Variants in TNRC6C observed in about 807,000 individuals in gnomAD.
TNRC6C encodes the protein trinucleotide repeat containing adaptor 6C.
Under a neutral mutation model 153.7 loss-of-function variants are expected in TNRC6C, and 20 were observed. The observed-to-expected ratio is 0.13, with a 90% CI of 0.09 to 0.19. The LOEUF is 0.19. Ranked by LOEUF, TNRC6C falls within the 10% of genes least tolerant of loss-of-function variation. The pLI is 1.00. For synonymous variants in TNRC6C, 811 were observed against 841.4 expected (o/e 0.96, Z 0.63); for missense variants, 1,987 against 2,172.0 (o/e 0.91, Z 1.69).
At position 78,101,608 on chromosome 17, in the gene TNRC6C, T is replaced by C. The variant is rs145657830; in HGVS notation, c.4502-866T>C. 9.5e-3 allele frequency among the ~76,000 whole-genome samples: 1,442 copies of C among 152,208 alleles called. 25 individuals are homozygous for C. The highest frequency in any genetic ancestry group is 0.032 in the African/African-American group (1,338 of 41,516). On this transcript the variant is annotated intron_variant, in intron 17 of 19. Transcript: ENST00000301624. The stretch of plus-strand genomic sequence containing the variant: ...TCACAGCCTTCAGAGCTGAGAGCCC[T>C]AAACAGAGATTTACCCACGTATTTA...
chr17:78,065,052 C>T, intron 4 of TNRC6C, 115 bp downstream of exon 6: 2 of 1,250,070 alleles, frequency 1.6e-6, no homozygotes, highest in South Asian at 1.4e-5. Flanking sequence ...ACTTTAACTA[C>T]AAACCAAGAG....
rs947298520 is a variant in TNRC6C, at chr17:78,006,650, C to A, written c.-546+1571C>A. Among the ~76,000 whole-genome samples, 7 of 144,708 alleles carry A rather than the reference C, an allele frequency of 4.8e-5. No homozygotes were observed. The South Asian group carries it at 1.5e-3, about 32-fold the overall frequency. The allele number at this position is 144,708 out of a possible 152,430, so 94.9% of individuals were successfully genotyped here. On this transcript the variant is annotated intron_variant, in intron 1 of 19. Coordinates refer to ENST00000301624, the Ensembl canonical transcript of TNRC6C. ...TCTTCTTCCTTCTTCTTGAATTTTTCTGTCTGGTTTAGTACCAGCTATATT... is the reference window on the plus strand; with the variant it reads ...TCTTCTTCCTTCTTCTTGAATTTTTATGTCTGGTTTAGTACCAGCTATATT...
intron 1 of TNRC6C, among the ~76,000 whole-genome samples, chr17:78,007,868 C>G (rs1400766382): frequency 6.6e-6 from 1 of 152,210 alleles, no homozygotes; most frequent in Non-Finnish European, 1.5e-5. Flanking sequence ...ATATTACACA[C>G]CACTCAACTA....
chr17:78,067,938 C>CT lies in TNRC6C; in HGVS notation c.2778+17dup, dbSNP rs760005916. The CT allele has an allele frequency of 3.8e-6, 6 of 1,594,970 alleles. No homozygotes were observed. The African/African-American group carries it at 4.1e-5, about 11-fold the overall frequency. On this transcript the variant is annotated intron_variant, in intron 5 of 19. Coordinates refer to ENST00000301624, the Ensembl canonical transcript of TNRC6C. ...GACTTCAAAAGGTAAGTACAACACTCTTAACGACGGTACACCCTGAAAACC... is the reference window on the plus strand; with the variant it reads ...GACTTCAAAAGGTAAGTACAACACTCTTTAACGACGGTACACCCTGAAAACC...
intron 1 of TNRC6C, among the ~76,000 whole-genome samples, chr17:77,994,049 C>T (rs566458998): frequency 1.3e-5 from 2 of 152,112 alleles, no homozygotes; most frequent in Non-Finnish European, 2.9e-5. Context: ...AAAAATTAGC[C>T]GGGCATTGTG....
Position 78,075,109 on chromosome 17 carries a change from A to C in TNRC6C, c.2918-27A>C, listed in dbSNP as rs1174024755. ...TCAGCACTCACTTGTTTTGTTTACA[A>C]CATTGCTTCTGTTTGTTGTGCTCCA... is the stretch of plus-strand genomic sequence containing the variant. On this transcript the variant is annotated intron_variant, in intron 7 of 19. Coordinates refer to ENST00000301624, the Ensembl canonical transcript of TNRC6C. This position sits in a 1 kb window ranked among gnomAD's most constrained non-coding sequence, Gnocchi z 4.2. 1 of 1,610,648 alleles carries C rather than the reference A, an allele frequency of 6.2e-7. No homozygotes were observed. Among genetic ancestry groups the C allele is most frequent in the Non-Finnish European group, 8.5e-7 (1 of 1,178,444 alleles).
chr17:78,038,776 C>T (rs113599732), intron 2 of TNRC6C, among the ~76,000 whole-genome samples: 3,368 of 151,104 alleles, frequency 0.022, 131 homozygotes, highest in African/African-American at 0.077. Context: ...ATTGTCAAAA[C>T]TTTAAATCTT....
intron 1 of TNRC6C, among the ~76,000 whole-genome samples, chr17:77,971,419 C>T (rs2070939024): frequency 6.6e-6 from 1 of 152,160 alleles, no homozygotes; most frequent in Admixed American, 6.5e-5. Flanking sequence ...AGTCCTGTGA[C>T]ATTAAATACC....
chr17:78,010,104 C>T (rs906649812), intron 1 of TNRC6C, among the ~76,000 whole-genome samples: 2 of 148,688 alleles, frequency 1.3e-5, no homozygotes, highest in African/African-American at 5.0e-5. Context: ...GTTGGTCTCA[C>T]ACTCAAGCAG....
chr17:78,008,868 T>C (rs1454145089), intron 1 of TNRC6C: 1 of 152,236 alleles, frequency 6.6e-6, no homozygotes, highest in African/African-American at 2.4e-5. Flanking sequence ...TGCATCTCTC[T>C]ATGAATTCAT....
intron 4 of TNRC6C, 84 bp from the exon 7 acceptor site, chr17:78,067,673 G>C: frequency 7.1e-7 from 1 of 1,412,726 alleles, no homozygotes; most frequent in South Asian, 1.6e-5. Flanking sequence ...TTTGTCCCAC[G>C]ACCCCTAAAT....
intron 11 of TNRC6C, among the ~76,000 whole-genome samples, 155 bp from the exon 14 acceptor site, chr17:78,086,348 A>AC (rs2073286874): frequency 7.1e-6 from 1 of 139,898 alleles, no homozygotes; most frequent in Non-Finnish European, 1.5e-5. Context: ...AAAAAAAAAA[A>AC]AAAAAAAAAA....
chr17:78,069,504 C>T (rs2072948750), intron 5 of TNRC6C, among the ~76,000 whole-genome samples: 1 of 152,176 alleles, frequency 6.6e-6, no homozygotes, highest in African/African-American at 2.4e-5. Flanking sequence ...CTGCCTCAGC[C>T]TCCTGAGTAG....
intron 1 of TNRC6C, among the ~76,000 whole-genome samples, chr17:78,022,022 A>G (rs1207681986): frequency 6.6e-6 from 1 of 152,230 alleles, no homozygotes; most frequent in Non-Finnish European, 1.5e-5. Flanking sequence ...CTTTTCCTGT[A>G]GGTCTAGCCT....
At chr17:77,962,760 ATC>A (rs1485750484) in intron 1 of TNRC6C, among the ~76,000 whole-genome samples, 1 of 152,172 alleles carries the variant, frequency 6.6e-6, no homozygotes, top group Non-Finnish European at 1.5e-5. Flanking sequence ...CTCCAGCTCT[ATC>A]TCAGAGGGTC....
chr17:78,070,962 A>T (rs772566002), intron 5 of TNRC6C, 123 bp from the exon 8 acceptor site: 1 of 923,372 alleles, frequency 1.1e-6, no homozygotes, highest in African/African-American at 1.7e-5. Flanking sequence ...GCATTATTCA[A>T]TGTTAATACA....
intron 18 of TNRC6C, 30 bp downstream of exon 21, chr17:78,102,574 C>G (rs959577737): frequency 1.3e-6 from 2 of 1,578,208 alleles, no homozygotes; most frequent in African/African-American, 2.7e-5. Context: ...CATCACTGAG[C>G]ATGATCCAGG....
At chr17:78,074,990 A>G in intron 7 of TNRC6C, 146 bp from the exon 10 acceptor site, 1 of 1,091,386 alleles carries the variant, frequency 9.2e-7, no homozygotes, top group Non-Finnish European at 1.3e-6. Context: ...GCCCTAGCAA[A>G]GCAAGGGCTC....
intron 1 of TNRC6C, among the ~76,000 whole-genome samples, chr17:77,987,799 C>T (rs2071191935): frequency 6.6e-6 from 1 of 152,142 alleles, no homozygotes; most frequent in Non-Finnish European, 1.5e-5. Context: ...CCTGCTTCAC[C>T]CTCCCAAGTA....
Sources: allele counts gnomAD v4.1 joint callset (sites outside exome capture counted in the v4.1 genomes callset), GRCh38; gene constraint gnomAD v4.1.1; non-coding constraint Gnocchi (gnomAD v3.1); transcripts MANE v1.5; gene names NCBI Gene and HGNC (gene_info 2026-07-23, HGNC 2026-07-21).